Variants in ARHGAP15 observed in about 807,000 individuals in gnomAD.
ARHGAP15 encodes Rho GTPase activating protein 15, also known as rho GTPase-activating protein 15.
In ARHGAP15, 51 loss-of-function variants were observed where a neutral mutation model predicts 63.7. The ratio of observed to expected loss-of-function variants is 0.80; its 90% confidence interval spans 0.64 to 1.01. ARHGAP15 has a LOEUF of 1.01. ARHGAP15 is among the 50% of genes least tolerant of loss of function. The pLI, the probability that ARHGAP15 is intolerant of heterozygous loss-of-function variation, is 0.00. For synonymous variants in ARHGAP15, 191 were observed against 193.8 expected, an observed-to-expected ratio of 0.99 and a Z score of 0.12; for missense variants, 560 against 564.6, an observed-to-expected ratio of 0.99 and a Z score of 0.08.
At chr2:143,681,622 T>TATAA (rs1683104592) in intron 12 of ARHGAP15, among the ~76,000 whole-genome samples, 1 of 152,210 alleles carries the variant, frequency 6.6e-6, no homozygotes, top group African/African-American at 2.4e-5. Context: ...CCAGATTCTC[T>TATAA]ATAAATAGTT....
intron 2 of ARHGAP15, among the ~76,000 whole-genome samples, chr2:143,194,696 CT>C (rs1165374669): frequency 1.2e-5 from 1 of 83,654 alleles, no homozygotes; most frequent in Non-Finnish European, 2.3e-5. Context: ...TGACCCCTCT[CT>C]GTCTGAGAAA....
intron 6 of ARHGAP15, among the ~76,000 whole-genome samples, chr2:143,307,823 G>T (rs150027965): frequency 1.3e-5 from 2 of 151,788 alleles, no homozygotes; most frequent in Non-Finnish European, 2.9e-5. Flanking sequence ...TTTTTTCTAC[G>T]ATATAATTCT....
At chr2:143,268,271 A>C (rs1681097772) in intron 6 of ARHGAP15, among the ~76,000 whole-genome samples, 1 of 152,078 alleles carries the variant, frequency 6.6e-6, no homozygotes, top group African/African-American at 2.4e-5. Flanking sequence ...AAAGGCCCTC[A>C]AACAACAGTC....
intron 1 of ARHGAP15, among the ~76,000 whole-genome samples, chr2:143,143,525 C>T (rs1468318437): frequency 6.6e-6 from 1 of 151,058 alleles, no homozygotes; most frequent in Non-Finnish European, 1.5e-5. Context: ...TTTTCTCACA[C>T]CAAACTTCCT....
chr2:143,165,225 G>A (rs548630105), intron 2 of ARHGAP15, among the ~76,000 whole-genome samples: 1 of 152,168 alleles, frequency 6.6e-6, no homozygotes, highest in East Asian at 1.9e-4. Flanking sequence ...AATGACCAAA[G>A]TACTGATCTC....
Position 143,673,758 on chromosome 2 carries a change from G to GTATATA in ARHGAP15, c.1139-29640_1139-29635dup, listed in dbSNP as rs70982879. Reference sequence around the variant, plus strand: ...TGTGTGTGTGTGTGTGTGTGTGTGTGTATATATATATATATATATATATAT... The same window carrying GTATATA: ...TGTGTGTGTGTGTGTGTGTGTGTGTGTATATATATATATATATATATATATATATAT... On this transcript the variant is annotated intron_variant, in intron 12 of 13. Coordinates refer to ENST00000295095, the MANE Select transcript of ARHGAP15 (RefSeq NM_018460.4). Among the ~76,000 whole-genome samples the GTATATA allele has an allele frequency of 4.1e-3, 90 of 22,116 alleles. 4 individuals carry two copies. The highest frequency in any genetic ancestry group is 6.8e-3 in the African/African-American group (84 of 12,308). 14.5% of individuals were successfully genotyped at this position (22,116 alleles called of 152,430 possible). A position where few individuals can be genotyped will look rare whatever the true frequency, so the allele number is the denominator to read the frequency against.
At chr2:143,411,561 A>G (rs1352666844) in intron 6 of ARHGAP15, among the ~76,000 whole-genome samples, 1 of 152,158 alleles carries the variant, frequency 6.6e-6, no homozygotes, top group Non-Finnish European at 1.5e-5. Context: ...TAAGGACCCT[A>G]TGTGTTCATC....
chr2:143,661,903 T>C (rs1038543165), intron 12 of ARHGAP15, among the ~76,000 whole-genome samples: 2 of 152,208 alleles, frequency 1.3e-5, no homozygotes, highest in African/African-American at 4.8e-5. Context: ...ATCCCGCACC[T>C]GGCTCGGAGG....
At chr2:143,369,454 A>AT (rs1205243991) in intron 6 of ARHGAP15, among the ~76,000 whole-genome samples, 1 of 152,138 alleles carries the variant, frequency 6.6e-6, no homozygotes, top group African/African-American at 2.4e-5. Context: ...TTAGAAGTGG[A>AT]TTAGAATACC....
intron 5 of ARHGAP15, chr2:143,238,076 A>G (rs551194230): frequency 6.6e-6 from 1 of 152,254 alleles, no homozygotes; most frequent in East Asian, 1.9e-4. Context: ...CATTTATTAA[A>G]TAAACTATAA....
chr2:143,367,458 G>T (rs1686344779), intron 6 of ARHGAP15, among the ~76,000 whole-genome samples: 1 of 150,702 alleles, frequency 6.6e-6, no homozygotes, highest in African/African-American at 2.4e-5. Flanking sequence ...AACTTATCCT[G>T]CATATTGCTC....
Position 143,436,929 on chromosome 2 carries a change from G to T in ARHGAP15, c.590G>T (p.Cys197Phe), listed in dbSNP as rs1689637807. 6.2e-7 allele frequency: 1 copy of T among 1,610,270 alleles called. No homozygotes were observed. Among genetic ancestry groups the T allele is most frequent in the Non-Finnish European group, 8.5e-7 (1 of 1,178,932 alleles). ...TGTTTCCAGCCAAAGGATTCAAGTT[G>T]TCCATCAAGAAACCTGGAATTATTC... ...AIDRLPKDSS[C>F]PSRNLELFKI... The change falls in exon 8 of 14, where the codon TGT becomes TTT. Residue 197 changes from cysteine to phenylalanine, a missense_variant. By Grantham distance (205) the Cys-to-Phe change is radical. Coordinates refer to ENST00000295095, the MANE Select transcript of ARHGAP15 (RefSeq NM_018460.4).
chr2:143,269,156 C>T lies in ARHGAP15; in HGVS notation c.474+18556C>T, dbSNP rs139170510. On this transcript the variant is annotated intron_variant, in intron 6 of 13. Coordinates refer to ENST00000295095, the MANE Select transcript of ARHGAP15 (RefSeq NM_018460.4). ...CCCTAATTTATATAGAAATTAAAAG[C>T]TTATTAAAGTAATGCTTCTCAAACT... Among the ~76,000 whole-genome samples the T allele has an allele frequency of 2.2e-3, 336 of 152,134 alleles. 1 individual carries two copies. The highest frequency in any genetic ancestry group is 7.9e-3 in the African/African-American group (329 of 41,532).
chr2:143,650,695 T>C (rs1312451592), intron 12 of ARHGAP15, among the ~76,000 whole-genome samples: 2 of 151,950 alleles, frequency 1.3e-5, no homozygotes, highest in Admixed American at 1.3e-4. Flanking sequence ...ATACAATTCA[T>C]TTGGTATTGC....
Position 143,323,356 on chromosome 2 carries a change from C to T in ARHGAP15, c.474+72756C>T, listed in dbSNP as rs1684106491. Among the ~76,000 whole-genome samples, 3 of 152,202 alleles carry T rather than the reference C, an allele frequency of 2.0e-5. No individual in the cohort carries two copies. The South Asian group carries it at 6.2e-4, about 32-fold the overall frequency. On this transcript the variant is annotated intron_variant, in intron 6 of 13. Coordinates refer to ENST00000295095, the MANE Select transcript of ARHGAP15 (RefSeq NM_018460.4). ...TGAATGAGGTCATAAAAGTAGCTTT[C>T]TTCAGGAATCTTTAGGATCTGATGA... is the stretch of plus-strand genomic sequence containing the variant.
intron 11 of ARHGAP15, among the ~76,000 whole-genome samples, chr2:143,580,849 T>A (rs1696873207): frequency 6.6e-6 from 1 of 152,130 alleles, no homozygotes; most frequent in Admixed American, 6.6e-5. Flanking sequence ...CATATTTGAC[T>A]TTTATATTTT....
intron 1 of ARHGAP15, among the ~76,000 whole-genome samples, chr2:143,149,561 G>A (rs1042080485): frequency 1.1e-4 from 16 of 151,802 alleles, no homozygotes; most frequent in Non-Finnish European, 1.9e-4. Flanking sequence ...AAGATACAGG[G>A]CTTTTGGGAA....
intron 6 of ARHGAP15, among the ~76,000 whole-genome samples, chr2:143,397,733 G>A (rs1574390734): frequency 6.6e-6 from 1 of 152,124 alleles, no homozygotes; most frequent in East Asian, 1.9e-4. Flanking sequence ...CTGATAAGGT[G>A]CTGGATGTCA....
chr2:143,477,386 A>G (rs1285721730), intron 8 of ARHGAP15, among the ~76,000 whole-genome samples: 1 of 151,194 alleles, frequency 6.6e-6, no homozygotes, highest in Non-Finnish European at 1.5e-5. Flanking sequence ...ATGATGATGC[A>G]GGATGCCTAT....
Sources: gnomAD v4.1 joint callset for allele counts (sites outside exome capture counted in the v4.1 genomes callset) on GRCh38, gnomAD v4.1.1 for gene constraint, MANE v1.5 for transcripts, NCBI Gene and HGNC (gene_info 2026-07-23, HGNC 2026-07-21) for gene names.